The following SLC71A1 variants were observed in gnomAD, a reference collection of about 807,000 sequenced individuals.
SLC71A1 encodes the protein hippocampus abundant gene transcript 1.
At chr1:100,077,379 C>CCTG in the SLC71A1 span, 1 of 652,070 alleles carries the variant, frequency 1.5e-6, no homozygotes, top group Non-Finnish European at 2.7e-6. Flanking sequence ...CTGTCTCATA[C>CCTG]TATGCTTTTT....
At chr1:100,076,054 C>T in the SLC71A1 span, among the ~76,000 whole-genome samples, 11 of 151,940 alleles carry the variant, frequency 7.2e-5, no homozygotes, top group Non-Finnish European at 1.3e-4. Flanking sequence ...GTTTGGTTGC[C>T]GAAGAATATA....
the SLC71A1 span, among the ~76,000 whole-genome samples, chr1:100,060,956 A>G: frequency 6.6e-6 from 1 of 152,114 alleles, no homozygotes; most frequent in South Asian, 2.1e-4. Flanking sequence ...AAAGGTTTAT[A>G]TGGGGCAGGA....
the SLC71A1 span, chr1:100,067,944 G>C: frequency 6.3e-7 from 1 of 1,580,818 alleles, no homozygotes; most frequent in Admixed American, 1.7e-5. Flanking sequence ...AAAGTAGCCT[G>C]ACTAATCTCT....
the SLC71A1 span, chr1:100,038,228 G>A: frequency 9.0e-6 from 14 of 1,554,686 alleles, no homozygotes; most frequent in East Asian, 3.4e-4. Flanking sequence ...ATCGAGGATG[G>A]TAAAATGACC....
chr1:100,075,270 G>T, the SLC71A1 span, among the ~76,000 whole-genome samples: 1 of 152,194 alleles, frequency 6.6e-6, no homozygotes, highest in Non-Finnish European at 1.5e-5. Flanking sequence ...TGGCTGAAGT[G>T]CCAGGGATTT....
chr1:100,038,286 C>T, the SLC71A1 span: 4 of 1,559,766 alleles, frequency 2.6e-6, no homozygotes, highest in South Asian at 1.2e-5. Flanking sequence ...TCATGCTGGC[C>T]AAGAAGATCA....
the SLC71A1 span, among the ~76,000 whole-genome samples, chr1:100,038,931 G>T: frequency 6.6e-6 from 1 of 152,240 alleles, no homozygotes; most frequent in Non-Finnish European, 1.5e-5. Flanking sequence ...GCAGACACCT[G>T]GGGCCTACAT....
the SLC71A1 span, among the ~76,000 whole-genome samples, chr1:100,072,978 T>G: frequency 6.6e-6 from 1 of 152,152 alleles, no homozygotes; most frequent in South Asian, 2.1e-4. Context: ...TATCTCAGCC[T>G]TAACATGGCC....
chr1:100,039,698 A>AAT, the SLC71A1 span, among the ~76,000 whole-genome samples: 1 of 152,258 alleles, frequency 6.6e-6, no homozygotes, highest in Admixed American at 6.5e-5. Flanking sequence ...AGAAAGAGAC[A>AAT]ATATTTTACA....
the SLC71A1 span, among the ~76,000 whole-genome samples, chr1:100,041,661 C>T: frequency 6.6e-6 from 1 of 152,212 alleles, no homozygotes; most frequent in African/African-American, 2.4e-5. Context: ...CAGTGGCTCA[C>T]GCCTGTAATC....
chr1:100,058,982 C>T, the SLC71A1 span, among the ~76,000 whole-genome samples: 9 of 151,824 alleles, frequency 5.9e-5, no homozygotes. Context: ...AACAGATTCC[C>T]TGTTTTTATG....
the SLC71A1 span, among the ~76,000 whole-genome samples, chr1:100,044,102 A>G: frequency 5.3e-5 from 8 of 152,228 alleles, no homozygotes; most frequent in South Asian, 1.7e-3. Context: ...CAGTAGTTCT[A>G]TTTTTAGTTC....
the SLC71A1 span, among the ~76,000 whole-genome samples, chr1:100,052,731 A>G: frequency 1.3e-4 from 19 of 149,458 alleles, no homozygotes; most frequent in African/African-American, 3.9e-4. Flanking sequence ...TGCCTGGCCA[A>G]TATATTCTTA....
the SLC71A1 span, chr1:100,068,207 C>T: frequency 1.9e-6 from 3 of 1,600,966 alleles, no homozygotes; most frequent in Admixed American, 5.0e-5. Context: ...TAAGTTTATA[C>T]TTTTTCCTTC....
chr1:100,046,211 C>CTT, the SLC71A1 span, among the ~76,000 whole-genome samples: 10 of 69,456 alleles, frequency 1.4e-4, no homozygotes, highest in East Asian at 1.6e-3. Context: ...CTCCAAGCCT[C>CTT]GTTTTTTTTT....
chr1:100,039,928 A>G, the SLC71A1 span, among the ~76,000 whole-genome samples: 1 of 152,216 alleles, frequency 6.6e-6, no homozygotes, highest in African/African-American at 2.4e-5. Context: ...GAGTTTTGGA[A>G]AAGATCGTTT....
the SLC71A1 span, chr1:100,069,602 A>T: frequency 6.3e-7 from 1 of 1,585,094 alleles, no homozygotes; most frequent in African/African-American, 1.3e-5. Flanking sequence ...CCTTTTCTGG[A>T]AACCCTTCTA....
At chr1:100,041,117 G>A in the SLC71A1 span, among the ~76,000 whole-genome samples, 2 of 152,204 alleles carry the variant, frequency 1.3e-5, no homozygotes, top group African/African-American at 4.8e-5. Flanking sequence ...ACTAGTAAGA[G>A]TTGTTAATGA....
At chr1:100,063,821 G>A in the SLC71A1 span, among the ~76,000 whole-genome samples, 2 of 152,298 alleles carry the variant, frequency 1.3e-5, no homozygotes, top group East Asian at 1.9e-4. Flanking sequence ...GGGGTGCGGG[G>A]TGACCCCTGT....
Sources: gnomAD v4.1 joint callset for allele counts (sites outside exome capture counted in the v4.1 genomes callset) on GRCh38, gnomAD v4.1.1 for gene constraint, MANE v1.5 for transcripts, NCBI Gene and HGNC (gene_info 2026-07-23, HGNC 2026-07-21) for gene names.